The following DMXL1 variants were observed in gnomAD, a reference collection of about 807,000 sequenced individuals.
The protein encoded by DMXL1 is dmX-like protein 1.
In DMXL1, 99 loss-of-function variants were observed where a neutral mutation model predicts 319.2. That is an observed-to-expected ratio of 0.31 (90% CI 0.26 to 0.37). The LOEUF is 0.37. Ranked by LOEUF, DMXL1 falls within the 10% of genes least tolerant of loss-of-function variation. The probability of loss-of-function intolerance (pLI) is 1.00; values close to 1 mark genes in which losing one functional copy is unlikely to be tolerated. For synonymous variants in DMXL1, 1,385 were observed against 1,235.2 expected (o/e 1.12, Z -2.54); for missense variants, 3,745 against 3,595.6 (o/e 1.04, Z -1.06).
chr5:119,143,961 TAAAA>T, intron 14 of DMXL1, 31 bp downstream of exon 14: 1 of 1,380,432 alleles, frequency 7.2e-7, no homozygotes, highest in Non-Finnish European at 9.9e-7. Context: ...GGAGGTATAT[TAAAA>T]AAAAGTTTAT....
chr5:119,142,568 A>G (rs1054651089), intron 13 of DMXL1, among the ~76,000 whole-genome samples: 1 of 151,900 alleles, frequency 6.6e-6, no homozygotes, highest in Non-Finnish European at 1.5e-5. Flanking sequence ...TGAAAAGGGA[A>G]CACTTACACA....
rs778483390 is a variant in DMXL1 at position 119,098,073 on chromosome 5, G to T, written c.182G>T (p.Gly61Val). The T allele has an allele frequency of 1.9e-6, 3 of 1,607,708 alleles. No individual in the cohort carries two copies. Among genetic ancestry groups the T allele is most frequent in the East Asian group, 2.2e-5 (1 of 44,588 alleles). ...GCTAAACATGGAAATATTCAAGTGG[G>T]ATGTGTAGACTGTTCAATGCAACAA... ...PGAKHGNIQV[G>V]CVDCSMQQGK... The change falls in exon 2 of 44, where the codon GGA (glycine) becomes GTA (valine). Residue 61 changes from glycine (G) to valine (V), a missense_variant. Coordinates refer to ENST00000539542, the MANE Select transcript of DMXL1 (RefSeq NM_001290321.3).
At chr5:119,213,356 G>A (rs993263179) in intron 34 of DMXL1, among the ~76,000 whole-genome samples, 1 of 151,962 alleles carries the variant, frequency 6.6e-6, no homozygotes, top group Non-Finnish European at 1.5e-5. Context: ...TTTGTTCAAG[G>A]CCAGAACTTT....
chr5:119,122,045 C>T (rs1159140637), intron 9 of DMXL1, among the ~76,000 whole-genome samples: 2 of 141,720 alleles, frequency 1.4e-5, no homozygotes, highest in African/African-American at 2.6e-5. Context: ...GGGGCTGACC[C>T]CCCAACCTCC....
intron 1 of DMXL1, among the ~76,000 whole-genome samples, chr5:119,097,116 T>G (rs1397921740): frequency 6.6e-6 from 1 of 152,180 alleles, no homozygotes; most frequent in South Asian, 2.1e-4. Flanking sequence ...ATAAACACCT[T>G]GAGATGTAAA....
At chr5:119,110,384 T>C (rs947808661) in intron 5 of DMXL1, 101 bp downstream of exon 5, 4 of 1,090,680 alleles carry the variant, frequency 3.7e-6, no homozygotes, top group African/African-American at 3.3e-5. Context: ...ACATAAAAAG[T>C]ATTGATTTTT....
intron 1 of DMXL1, among the ~76,000 whole-genome samples, chr5:119,096,461 C>T (rs1261305532): frequency 6.6e-6 from 1 of 152,142 alleles, no homozygotes; most frequent in Admixed American, 6.5e-5. Context: ...CAGGCATGAG[C>T]CACCATGCCC....
chr5:119,213,250 C>T (rs1433866705), intron 34 of DMXL1, among the ~76,000 whole-genome samples: 2 of 152,170 alleles, frequency 1.3e-5, no homozygotes, highest in Admixed American at 1.3e-4. Context: ...GTGTAGTCAG[C>T]AGTGATTTAG....
intron 20 of DMXL1, 102 bp from the exon 21 acceptor site, chr5:119,165,079 ATT>A (rs1157431850): frequency 1.5e-6 from 1 of 686,372 alleles, no homozygotes; most frequent in Non-Finnish European, 2.5e-6. Flanking sequence ...TATTTTTAAA[ATT>A]TTATTAAACA....
chr5:119,130,982 T>C (rs1764742275), intron 10 of DMXL1, among the ~76,000 whole-genome samples: 1 of 151,994 alleles, frequency 6.6e-6, no homozygotes, highest in South Asian at 2.1e-4. Context: ...CTTATCAACA[T>C]TGGATGTTTT....
chr5:119,104,327 C>T (rs1757886053), intron 3 of DMXL1: 1 of 152,182 alleles, frequency 6.6e-6, no homozygotes, highest in Non-Finnish European at 1.5e-5. Context: ...TTCATGAAAG[C>T]ATATTCTGTA....
intron 1 of DMXL1, among the ~76,000 whole-genome samples, chr5:119,078,060 G>A (rs1006588857): frequency 1.3e-5 from 2 of 151,864 alleles, no homozygotes; most frequent in African/African-American, 4.8e-5. Context: ...TTTAAAATCA[G>A]GTAGACGGAT....
chr5:119,173,640 G>A (rs944999336), intron 25 of DMXL1, among the ~76,000 whole-genome samples: 1 of 146,520 alleles, frequency 6.8e-6, no homozygotes, highest in Admixed American at 6.8e-5. Context: ...TATTTGTCTG[G>A]ATTCACCAAA....
intron 18 of DMXL1, among the ~76,000 whole-genome samples, chr5:119,151,578 G>A (rs77895732): frequency 0.021 from 3,262 of 152,164 alleles, 56 homozygotes; most frequent in Middle Eastern, 0.044. Flanking sequence ...TATTGGGGTG[G>A]ATGTATGATT....
At chr5:119,229,690 A>G (rs1786301054) in intron 38 of DMXL1, among the ~76,000 whole-genome samples, 2 of 152,208 alleles carry the variant, frequency 1.3e-5, no homozygotes, top group African/African-American at 4.8e-5. Context: ...AAAATTATTT[A>G]TCTATTTTCA....
chr5:119,167,478 T>C (rs957696356), intron 22 of DMXL1, 125 bp from the exon 23 acceptor site: 2 of 781,294 alleles, frequency 2.6e-6, no homozygotes, highest in East Asian at 2.8e-5. Context: ...TTGTTTCTTA[T>C]CCTTCTTTGC....
chr5:119,244,310 A>C, intron 42 of DMXL1, 49 bp from the exon 43 acceptor site: 1 of 1,450,390 alleles, frequency 6.9e-7, no homozygotes, highest in Non-Finnish European at 9.4e-7. Context: ...CCAGAAGTCT[A>C]TTTCTTTTAT....
chr5:119,193,012 T>C (rs1778964582), intron 29 of DMXL1, among the ~76,000 whole-genome samples: 1 of 152,184 alleles, frequency 6.6e-6, no homozygotes, highest in African/African-American at 2.4e-5. Flanking sequence ...AATCTACTAC[T>C]TGTCTCTAGC....
chr5:119,147,216 C>T lies in DMXL1; in HGVS notation c.2690-33C>T. 4 of 1,571,760 alleles carry T rather than the reference C, an allele frequency of 2.5e-6. No homozygotes were observed. In the South Asian group the frequency reaches 4.5e-5, roughly 18 times the overall value. On this transcript the variant is annotated intron_variant, in intron 16 of 43. Coordinates refer to ENST00000539542, the MANE Select transcript of DMXL1 (RefSeq NM_001290321.3). Reference sequence around the variant, plus strand: ...CGTAATATTTATAGGGTTCCCCTGCCTCAGTTTTTGGTTCTTTTCTTATGT... The same window carrying T: ...CGTAATATTTATAGGGTTCCCCTGCTTCAGTTTTTGGTTCTTTTCTTATGT...
Sources: allele counts gnomAD v4.1 joint callset (sites outside exome capture counted in the v4.1 genomes callset), GRCh38; gene constraint gnomAD v4.1.1; transcripts MANE v1.5; gene names NCBI Gene and HGNC (gene_info 2026-07-23, HGNC 2026-07-21).